BCAS3: variants seen among roughly 807,000 people sequenced by gnomAD.
BCAS3 encodes the protein BCAS3 microtubule associated cell migration factor.
BCAS3 carries 53 observed loss-of-function variants against 116.1 expected under a neutral mutation model. That is an observed-to-expected ratio of 0.46 (90% CI 0.37 to 0.57). BCAS3 has a LOEUF of 0.57. Among genes scored for constraint, BCAS3 ranks in the 20% least tolerant of loss-of-function variants. The probability of loss-of-function intolerance (pLI) is 0.00; values close to 1 mark genes in which losing one functional copy is unlikely to be tolerated. For missense variants in BCAS3, 917 were observed against 1,165.4 expected (o/e 0.79, Z 3.10); for synonymous variants, 391 against 408.2 (o/e 0.96, Z 0.51).
chr17:60,765,425 G>T lies in BCAS3; in HGVS notation c.403+18146G>T, dbSNP rs555377309. On this transcript the variant is annotated intron_variant, in intron 6 of 23. Coordinates refer to ENST00000407086, the MANE Select transcript of BCAS3 (RefSeq NM_017679.5). ...TCTCAGCATTTGCTTGTCTGTAAAG[G>T]ATTTTATTTCTCCTTCACTTATGAA... is the stretch of plus-strand genomic sequence containing the variant. Among the ~76,000 whole-genome samples, 28 of 152,198 alleles carry T rather than the reference G, an allele frequency of 1.8e-4. 1 individual carries two copies. In the South Asian group the frequency reaches 5.0e-3, roughly 27 times the overall value.
intron 6 of BCAS3, among the ~76,000 whole-genome samples, chr17:60,785,714 A>G (rs1434829346): frequency 2.0e-5 from 3 of 152,220 alleles, no homozygotes; most frequent in Non-Finnish European, 2.9e-5. Flanking sequence ...CAATGTGTAC[A>G]CTGTGATCCC....
rs1459589545 is a variant in BCAS3 at position 61,227,453 on chromosome 17, T to G, written c.2426-140874T>G. 6.6e-6 allele frequency among the ~76,000 whole-genome samples: 1 copy of G among 152,216 alleles called. No individual in the cohort carries two copies. ...AAATTATAATTAAGAACAGAGGAACTCTAGGGACTGTAAGAAGTTTGAAAC... is the reference window on the plus strand; with the variant it reads ...AAATTATAATTAAGAACAGAGGAACGCTAGGGACTGTAAGAAGTTTGAAAC... On this transcript the variant is annotated intron_variant, in intron 22 of 23. Transcript: ENST00000407086. This position sits in a 1 kb window ranked among gnomAD's most constrained non-coding sequence, Gnocchi z 6.1.
At chr17:60,835,855 G>T (rs1216082566) in intron 7 of BCAS3, among the ~76,000 whole-genome samples, 1 of 152,044 alleles carries the variant, frequency 6.6e-6, no homozygotes, top group African/African-American at 2.4e-5. Context: ...AGAAAAGCAA[G>T]ATTCACAAAA....
chr17:60,691,671 C>T (rs1233295382), intron 4 of BCAS3, among the ~76,000 whole-genome samples: 1 of 148,220 alleles, frequency 6.7e-6, no homozygotes, highest in East Asian at 1.9e-4. Flanking sequence ...AATATTTTCT[C>T]CTATCCTGTG....
At chr17:60,887,747 G>C (rs1226302713) in intron 9 of BCAS3, among the ~76,000 whole-genome samples, 2 of 152,140 alleles carry the variant, frequency 1.3e-5, no homozygotes, top group South Asian at 2.1e-4. Flanking sequence ...GTATCACAGA[G>C]AGCAGTTCAG....
Position 61,083,071 on chromosome 17 carries a change from A to G in BCAS3, c.2328-1396A>G, listed in dbSNP as rs904400179. On this transcript the variant is annotated intron_variant, in intron 21 of 23. Coordinates refer to ENST00000407086, the MANE Select transcript of BCAS3 (RefSeq NM_017679.5). This position sits in a 1 kb window ranked among gnomAD's most constrained non-coding sequence, Gnocchi z 4.9. ...ATGCACTTCAAGATGCCCTGAATCT[A>G]TCGTATTCAGTCACTAATCTAAGTT... Among the ~76,000 whole-genome samples, 12 of 152,194 alleles carry G rather than the reference A, an allele frequency of 7.9e-5. No individual in the cohort carries two copies. Among genetic ancestry groups the G allele is most frequent in the African/African-American group, 1.9e-4 (8 of 41,452 alleles).
chr17:60,723,937 G>A (rs1190314708), intron 5 of BCAS3, among the ~76,000 whole-genome samples: 4 of 150,308 alleles, frequency 2.7e-5, no homozygotes, highest in African/African-American at 9.8e-5. Context: ...GGCCAGGCTG[G>A]TCTTGAACTC....
At chr17:60,695,158 T>G (rs2035421787) in intron 4 of BCAS3, among the ~76,000 whole-genome samples, 1 of 150,344 alleles carries the variant, frequency 6.7e-6, no homozygotes, top group African/African-American at 2.5e-5. Flanking sequence ...TCTCGCTCTG[T>G]CACCCAGGCT....
rs142987676 is a variant in BCAS3, at chr17:61,325,351, G to A, written c.2426-42976G>A. On this transcript the variant is annotated intron_variant, in intron 22 of 23. Transcript: ENST00000407086. The surrounding 1 kb of genome is among the most constrained non-coding windows in gnomAD (Gnocchi z 6.4). ...CCATCCTGTCCTGCACATACTCGGCGTGGCCTCTCCCCACCCTGCCCTGAA... is the reference window on the plus strand; with the variant it reads ...CCATCCTGTCCTGCACATACTCGGCATGGCCTCTCCCCACCCTGCCCTGAA... 2.6e-5 allele frequency among the ~76,000 whole-genome samples: 4 copies of A among 152,268 alleles called. No homozygotes were observed. The highest frequency in any genetic ancestry group is 7.2e-5 in the African/African-American group (3 of 41,564).
chr17:60,830,511 A>T (rs1019100048), intron 7 of BCAS3, among the ~76,000 whole-genome samples: 2 of 152,120 alleles, frequency 1.3e-5, no homozygotes, highest in East Asian at 3.8e-4. Flanking sequence ...GTACAGGAAA[A>T]TTTTTAAAAT....
chr17:60,864,298 T>C (rs1256032411), intron 7 of BCAS3, among the ~76,000 whole-genome samples: 2 of 152,234 alleles, frequency 1.3e-5, no homozygotes, highest in African/African-American at 2.4e-5. Context: ...TAGAGGTTCT[T>C]CAGAGGTCGA....
chr17:61,369,730 G>A (rs58999164), intron 23 of BCAS3, among the ~76,000 whole-genome samples: 8,633 of 152,284 alleles, frequency 0.057, 795 homozygotes, highest in African/African-American at 0.19. Flanking sequence ...GAGGAAGAGG[G>A]GGAGCTTGGC....
At chr17:61,025,871 T>G (rs933170641) in intron 16 of BCAS3, among the ~76,000 whole-genome samples, 5 of 152,172 alleles carry the variant, frequency 3.3e-5, no homozygotes, top group Non-Finnish European at 5.9e-5. Flanking sequence ...AGTTTTGCTT[T>G]GTGGTCAAAT....
intron 22 of BCAS3, among the ~76,000 whole-genome samples, chr17:61,103,571 A>G (rs944223299): frequency 2.0e-5 from 3 of 152,210 alleles, no homozygotes; most frequent in East Asian, 1.9e-4. Flanking sequence ...CATTTTACTC[A>G]GCCTAAAAAG....
At chr17:61,033,562 C>G (rs2066801813) in intron 16 of BCAS3, among the ~76,000 whole-genome samples, 1 of 152,096 alleles carries the variant, frequency 6.6e-6, no homozygotes, top group Non-Finnish European at 1.5e-5. Context: ...TTCCATCCCA[C>G]CATACTTTAG....
chr17:60,997,911 T>C (rs2063947752), intron 15 of BCAS3, among the ~76,000 whole-genome samples: 1 of 152,216 alleles, frequency 6.6e-6, no homozygotes, highest in Non-Finnish European at 1.5e-5. Context: ...GTATATTGCA[T>C]GATGCTGAGG....
chr17:61,223,450 C>A (rs1376794742), intron 22 of BCAS3, among the ~76,000 whole-genome samples: 3 of 152,154 alleles, frequency 2.0e-5, no homozygotes, highest in Non-Finnish European at 2.9e-5. Flanking sequence ...TGAGCCACCA[C>A]GCCCAGCCAC....
intron 21 of BCAS3, among the ~76,000 whole-genome samples, chr17:61,078,814 T>G (rs1043557020): frequency 2.0e-5 from 3 of 152,244 alleles, no homozygotes; most frequent in Non-Finnish European, 4.4e-5. Flanking sequence ...TGCTTATATT[T>G]CTAACTGCTT....
At chr17:60,933,414 A>G (rs1440936371) in intron 13 of BCAS3, among the ~76,000 whole-genome samples, 1 of 152,236 alleles carries the variant, frequency 6.6e-6, no homozygotes, top group Non-Finnish European at 1.5e-5. Flanking sequence ...GTAAAGTACA[A>G]CACATCTACA....
Sources: gnomAD v4.1 joint callset for allele counts (sites outside exome capture counted in the v4.1 genomes callset) on GRCh38, gnomAD v4.1.1 for gene constraint, Gnocchi (gnomAD v3.1) non-coding constraint, MANE v1.5 for transcripts, NCBI Gene and HGNC (gene_info 2026-07-23, HGNC 2026-07-21) for gene names.